The following PAK4 variants were observed in gnomAD, a reference collection of about 807,000 sequenced individuals.
PAK4 encodes the protein serine/threonine-protein kinase PAK 4.
Under a neutral mutation model 53.5 loss-of-function variants are expected in PAK4, and 49 were observed. The observed-to-expected ratio is 0.92, with a 90% CI of 0.73 to 1.16. PAK4 has a LOEUF of 1.16. PAK4 is among the 50% of genes most tolerant of loss of function. PAK4 has a pLI of 0.00. For missense variants in PAK4, 824 were observed against 850.7 expected (o/e 0.97, Z 0.39); for synonymous variants, 376 against 375.6 (o/e 1.00, Z -0.01).
intron 1 of PAK4, among the ~76,000 whole-genome samples, chr19:39,166,384 C>T (rs1269329313): frequency 6.6e-6 from 1 of 152,216 alleles, no homozygotes; most frequent in Non-Finnish European, 1.5e-5. Context: ...GCGGAGGTTG[C>T]AGTGAGCCAA....
At chr19:39,150,389 A>G (rs1341669357) in intron 1 of PAK4, among the ~76,000 whole-genome samples, 1 of 151,916 alleles carries the variant, frequency 6.6e-6, no homozygotes, top group Admixed American at 6.6e-5. Context: ...CCTTGACACC[A>G]CCTCATCCTC....
intron 1 of PAK4, among the ~76,000 whole-genome samples, chr19:39,137,220 T>A (rs2073831573): frequency 6.6e-6 from 1 of 151,990 alleles, no homozygotes; most frequent in Admixed American, 6.5e-5. Flanking sequence ...GATGCGGTGG[T>A]GGATAAACAG....
chr19:39,148,037 C>T (rs1297245141), intron 1 of PAK4, among the ~76,000 whole-genome samples: 8 of 148,660 alleles, frequency 5.4e-5, no homozygotes, highest in Admixed American at 1.3e-4. Context: ...CTGTGGCCTC[C>T]GCCTCCCGGG....
chr19:39,141,872 C>A (rs2073915953), intron 1 of PAK4, among the ~76,000 whole-genome samples: 1 of 152,238 alleles, frequency 6.6e-6, no homozygotes, highest in Non-Finnish European at 1.5e-5. Flanking sequence ...AGTGATCCAC[C>A]CGCCTCGGCC....
intron 1 of PAK4, among the ~76,000 whole-genome samples, chr19:39,159,223 C>T (rs1167458770): frequency 6.6e-6 from 1 of 152,156 alleles, no homozygotes; most frequent in African/African-American, 2.4e-5. Flanking sequence ...TGCTGAGCCC[C>T]TGTACTGCGC....
At chr19:39,136,165 C>T (rs1228461716) in intron 1 of PAK4, among the ~76,000 whole-genome samples, 1 of 143,242 alleles carries the variant, frequency 7.0e-6, no homozygotes, top group Non-Finnish European at 1.5e-5. Flanking sequence ...TCGTGGCCCC[C>T]TAGTTCAAGC....
chr19:39,127,959 G>C (rs1227981616), intron 1 of PAK4, among the ~76,000 whole-genome samples: 2 of 152,182 alleles, frequency 1.3e-5, no homozygotes, highest in African/African-American at 4.8e-5. Context: ...GCCTGTGCAG[G>C]TTCAGGGCAA....
Position 39,173,278 on chromosome 19 carries a change from C to CCA in PAK4, c.565_566insCA (p.Gln189ProfsTer181). 6.2e-7 allele frequency: 1 copy of CCA among 1,604,272 alleles called. No homozygotes were observed. The highest frequency in any genetic ancestry group is 8.5e-7 in the Non-Finnish European group (1 of 1,176,332). On this transcript the variant is annotated frameshift_variant, in exon 3 of 9. Transcript: ENST00000358301. LOFTEE classifies it high-confidence loss of function. The surrounding 1 kb of genome is among the most constrained non-coding windows in gnomAD (Gnocchi z 6.9). ...CTCCGGGCCTGATGTCGGCACCCCC[C>CCA]AGCCTGCTGGTCTGGCCAGTGGGGC... is the stretch of plus-strand genomic sequence containing the variant.
At chr19:39,180,898 G>A (rs1012435540), downstream of PAK4, 19 of 152,234 alleles carry the variant, frequency 1.2e-4, no homozygotes, top group Admixed American at 1.2e-3. Context: ...GAAACGCAAG[G>A]CTCACAGCCA....
At chr19:39,150,933 AG>A (rs2074084048) in intron 1 of PAK4, among the ~76,000 whole-genome samples, 1 of 151,888 alleles carries the variant, frequency 6.6e-6, no homozygotes, top group African/African-American at 2.4e-5. Context: ...CTGATGGGGT[AG>A]GGCCCACACT....
intron 1 of PAK4, among the ~76,000 whole-genome samples, chr19:39,159,072 G>A (rs1268399798): frequency 6.6e-6 from 1 of 152,148 alleles, no homozygotes; most frequent in Non-Finnish European, 1.5e-5. Context: ...TCAGGAGGTA[G>A]GGACTATCAC....
Position 39,175,321 on chromosome 19 carries a change from G to A in PAK4, c.1242G>A (p.Glu414=). 5 of 1,583,722 alleles carry A rather than the reference G, an allele frequency of 3.2e-6. No individual in the cohort carries two copies. Among genetic ancestry groups the A allele is most frequent in the Non-Finnish European group, 4.3e-6 (5 of 1,165,076 alleles). The change falls in exon 6 of 9, where the codon GAG becomes GAA. Residue 414 remains glutamate (E), a synonymous_variant. Coordinates refer to ENST00000358301, the Ensembl canonical transcript of PAK4. This position sits in a 1 kb window ranked among gnomAD's most constrained non-coding sequence, Gnocchi z 4.7. ...CCACCCCACCCCGCAGGATGAACGA[G>A]GAGCAGATCGCGGCCGTGTGCCTTG... is the stretch of plus-strand genomic sequence containing the variant.
At position 39,134,086 on chromosome 19, in the gene PAK4, A is replaced by G. The variant is rs181349019; in HGVS notation, c.-23+8167A>G. Among the ~76,000 whole-genome samples, 804 of 152,294 alleles carry G rather than the reference A, an allele frequency of 5.3e-3. 4 individuals are homozygous for G. Among genetic ancestry groups the G allele is most frequent in the Non-Finnish European group, 6.4e-3 (435 of 68,020 alleles). The stretch of plus-strand genomic sequence containing the variant: ...TTCCCTGCCGCCCACAGGGGCCTCC[A>G]TAGTTCTGTCGTCCCTTCCCCGCAA... On this transcript the variant is annotated intron_variant, in intron 1 of 8. Coordinates refer to ENST00000358301, the Ensembl canonical transcript of PAK4.
chr19:39,150,688 A>G (rs490249), intron 1 of PAK4, among the ~76,000 whole-genome samples: 93,575 of 151,922 alleles, frequency 0.62, 29,063 homozygotes, highest in East Asian at 0.82. Flanking sequence ...TCAGGAGTTC[A>G]AGACCAGCCT....
In PAK4 at chr19:39,141,087, G is replaced by A. The variant is rs563598838; in HGVS notation, c.-23+15168G>A. On this transcript the variant is annotated intron_variant, in intron 1 of 8. Transcript: ENST00000358301. ...CTTTGGTAAAATGTTGAACACCTTT[G>A]TATTATGGAAATGTTCACACATACC... Among the ~76,000 whole-genome samples the A allele has an allele frequency of 2.0e-5, 3 of 152,266 alleles. No individual in the cohort carries two copies. The South Asian group carries it at 6.2e-4, about 32-fold the overall frequency.
downstream of PAK4, chr19:39,180,994 G>A (rs954142254): frequency 6.6e-5 from 10 of 152,224 alleles, no homozygotes; most frequent in African/African-American, 1.9e-4. Context: ...GCTCAGAGAC[G>A]GGGAGCTCCC....
intron 4 of PAK4, among the ~76,000 whole-genome samples, chr19:39,174,661 G>A (rs995101438): frequency 6.6e-6 from 1 of 152,066 alleles, no homozygotes; most frequent in Non-Finnish European, 1.5e-5. Flanking sequence ...GTGATTGAAC[G>A]CTCTCTTCCC....
intron 1 of PAK4, among the ~76,000 whole-genome samples, chr19:39,158,883 G>C (rs940983566): frequency 6.6e-6 from 1 of 152,140 alleles, no homozygotes; most frequent in Non-Finnish European, 1.5e-5. Context: ...ATATTTGCTC[G>C]GCAGAAGGGA....
At chr19:39,174,692 C>CT (rs2074565717) in intron 4 of PAK4, among the ~76,000 whole-genome samples, 1 of 152,144 alleles carries the variant, frequency 6.6e-6, no homozygotes, top group Admixed American at 6.5e-5. Context: ...CAGCACTAGC[C>CT]CAGGACTGAC....
Sources: allele counts gnomAD v4.1 joint callset (sites outside exome capture counted in the v4.1 genomes callset), GRCh38; gene constraint gnomAD v4.1.1; non-coding constraint Gnocchi (gnomAD v3.1); transcripts MANE v1.5; gene names NCBI Gene and HGNC (gene_info 2026-07-23, HGNC 2026-07-21).